Variants in CLUH observed in about 807,000 individuals in gnomAD.
CLUH encodes the protein clustered mitochondria protein homolog.
CLUH carries 77 observed loss-of-function variants against 139.3 expected under a neutral mutation model. The ratio of observed to expected loss-of-function variants is 0.55; its 90% CI spans 0.46 to 0.67. The LOEUF (loss-of-function observed/expected upper bound fraction) is 0.67. Among genes scored for constraint, CLUH ranks in the 30% least tolerant of loss-of-function variants. The pLI is 0.00. For missense variants in CLUH, 1,876 were observed against 1,875.8 expected (o/e 1.00, Z 0.00); for synonymous variants, 999 against 801.6 (o/e 1.25, Z -4.16).
intron 1 of CLUH, among the ~76,000 whole-genome samples, chr17:2,710,519 C>A (rs1354362643): frequency 6.6e-6 from 1 of 152,128 alleles, no homozygotes; most frequent in East Asian, 1.9e-4. Context: ...TGAGGACAGT[C>A]GACGGAGGAG....
intron 9 of CLUH, among the ~76,000 whole-genome samples, chr17:2,699,860 G>A (rs977492651): frequency 6.6e-6 from 1 of 152,150 alleles, no homozygotes; most frequent in African/African-American, 2.4e-5. Flanking sequence ...TTGAACTCCT[G>A]ACCTTGTGAT....
chr17:2,709,607 C>T (rs2151727789), intron 1 of CLUH, among the ~76,000 whole-genome samples: 1 of 152,246 alleles, frequency 6.6e-6, no homozygotes, highest in East Asian at 1.9e-4. Flanking sequence ...AAAAACCTGC[C>T]TGTTCTCTTA....
Position 2,707,922 on chromosome 17 carries a change from C to A in CLUH, c.101-3358G>T. ...GATGGGCCCCCAGCTTCCCAGAGGA[C>A]AACTGCACCCGTGCCCCTGGCCTCC... is the stretch of plus-strand genomic sequence containing the variant. On this transcript the variant is annotated intron_variant, in intron 1 of 25. Coordinates refer to ENST00000651024, the MANE Select transcript of CLUH (RefSeq NM_001366661.1). This position sits in a 1 kb window ranked among gnomAD's most constrained non-coding sequence, Gnocchi z 7.4. The A allele has an allele frequency of 1.0e-6, 1 of 985,438 alleles. No homozygotes were observed. The highest frequency in any genetic ancestry group is 1.2e-6 in the Non-Finnish European group (1 of 829,922). The allele number at this position is 985,438 out of a possible 1,614,324, so 61.0% of individuals were successfully genotyped here. A position where few individuals can be genotyped will look rare whatever the true frequency, so the allele number is the denominator to read the frequency against.
At chr17:2,693,872 G>A in intron 19 of CLUH, 28 bp downstream of exon 19, 2 of 1,588,900 alleles carry the variant, frequency 1.3e-6, no homozygotes, top group African/African-American at 1.3e-5. Flanking sequence ...ACGAGGCCAG[G>A]CCTTTGCTGC....
intron 9 of CLUH, among the ~76,000 whole-genome samples, chr17:2,699,776 C>T (rs2151710401): frequency 6.6e-6 from 1 of 152,268 alleles, no homozygotes; most frequent in South Asian, 2.1e-4. Context: ...GGACTACAGG[C>T]ATGCGCCACC....
chr17:2,702,098 T>G, intron 3 of CLUH, 41 bp from the exon 4 acceptor site: 1 of 1,601,078 alleles, frequency 6.2e-7, no homozygotes, highest in Non-Finnish European at 8.5e-7. Flanking sequence ...ACCAGGGCCC[T>G]GCACCCTGAA....
rs1479989934 is a variant in CLUH, at chr17:2,701,743, G to A, written c.620-6C>T. The A allele has an allele frequency of 6.4e-7, 1 of 1,559,520 alleles. No homozygotes were observed. Among genetic ancestry groups the A allele is most frequent in the African/African-American group, 1.4e-5 (1 of 73,688 alleles). ...CTTCTTCCGCTTCCCGCTGTCTGAG[G>A]GACCCGAGGCTGGTGGTCAGCACAG... On this transcript the variant is annotated splice_polypyrimidine_tract_variant and splice_region_variant and intron_variant, in intron 4 of 25. Coordinates refer to ENST00000651024, the MANE Select transcript of CLUH (RefSeq NM_001366661.1).
chr17:2,707,060 G>T lies in CLUH; in HGVS notation c.101-2496C>A. ...GGGCCTCCTCTCCCCAGGACAGCAT[G>T]TTTTACCCTAATCCTTCCTCCTAGG... On this transcript the variant is annotated intron_variant, in intron 1 of 25. Transcript: ENST00000651024. The surrounding 1 kb of genome is among the most constrained non-coding windows in gnomAD (Gnocchi z 7.4). 1.8e-6 allele frequency: 1 copy of T among 541,764 alleles called. No individual in the cohort carries two copies. Among genetic ancestry groups the T allele is most frequent in the Non-Finnish European group, 2.4e-6 (1 of 424,394 alleles). The allele number at this position is 541,764 out of a possible 1,614,324, so 33.6% of individuals were successfully genotyped here.
Position 2,693,920 on chromosome 17 carries a change from T to C in CLUH, c.3211A>G (p.Ile1071Val). The C allele has an allele frequency of 1.2e-6, 2 of 1,613,326 alleles. No homozygotes were observed. The highest frequency in any genetic ancestry group is 1.7e-6 in the Non-Finnish European group (2 of 1,179,654). Residue 1071 changes from isoleucine to valine, a missense_variant, in exon 19 of 26, where the codon ATC becomes GTC. By Grantham distance (29) the Ile-to-Val change is conservative (BLOSUM62 3). Around this residue, in one of 3 missense-constraint regions of CLUH, gnomAD observed 1,454 missense variants for 1,384.4 expected, o/e 1.05. Coordinates refer to ENST00000651024, the MANE Select transcript of CLUH (RefSeq NM_001366661.1). Reference protein sequence around the residue: ...CLRLLARLHYIMGDYAEALSN... With the variant: ...CLRLLARLHYVMGDYAEALSN... The stretch of plus-strand genomic sequence containing the variant: ...GGTACCTCTGCGTAGTCGCCCATGA[T>C]GTAGTGGAGGCGGGCGAGGAGGCGC...
chr17:2,699,485 C>T lies in CLUH; in HGVS notation c.1267-895G>A, dbSNP rs528778505. On this transcript the variant is annotated intron_variant, in intron 9 of 25. Transcript: ENST00000651024. ...GGGACTACAGGCACATGCCACCATG[C>T]CTGGCTAATCTTTTGTATTTTTTGC... is the stretch of plus-strand genomic sequence containing the variant. Among the ~76,000 whole-genome samples, 61 of 152,222 alleles carry T rather than the reference C, an allele frequency of 4.0e-4. 1 individual carries two copies. In the South Asian group the frequency reaches 0.012, roughly 31 times the overall value.
chr17:2,692,422 C>T lies in CLUH; in HGVS notation c.3499G>A (p.Glu1167Lys). The T allele has an allele frequency of 6.3e-7, 1 of 1,599,894 alleles. No individual in the cohort carries two copies. Among genetic ancestry groups the T allele is most frequent in the South Asian group, 1.1e-5 (1 of 90,986 alleles). ...MEYDLSLRFL[E>K]NALAVSTKYH... ...TTGGTGCTGACGGCCAGCGCGTTCT[C>T]CAGGAAGCGCAGCGACAGGTCGTAC... The change falls in exon 22 of 26, where the codon GAG (glutamate) becomes AAG (lysine). Residue 1167 changes from glutamate to lysine, a missense_variant. By Grantham distance (56) the Glu-to-Lys change is moderately conservative. This residue lies in a region of CLUH where 1,454 missense variants were observed against 1,384.4 expected (regional missense o/e 1.05). Coordinates refer to ENST00000651024, the MANE Select transcript of CLUH (RefSeq NM_001366661.1).
chr17:2,691,962 C>CCCCCGCCCCGCCCCCG (rs1567575853), intron 23 of CLUH, 42 bp downstream of exon 23: 3 of 670,740 alleles, frequency 4.5e-6, no homozygotes, highest in African/African-American at 1.2e-4. Context: ...CCCCGCCACG[C>CCCCCGCCCCGCCCCCG]CCCCGCCCCG....
In CLUH at chr17:2,691,946, C is replaced by T. The variant is rs1375896689; in HGVS notation, c.3655-51G>A. 1.0e-5 allele frequency: 12 copies of T among 1,184,206 alleles called. 1 individual carries two copies. Among genetic ancestry groups the T allele is most frequent in the South Asian group, 1.7e-5 (1 of 58,320 alleles). The allele number at this position is 1,184,206 out of a possible 1,614,324, so 73.4% of individuals were successfully genotyped here. A position where few individuals can be genotyped will look rare whatever the true frequency, so the allele number is the denominator to read the frequency against. The stretch of plus-strand genomic sequence containing the variant: ...GCCCCCCCGTGCCCCCGCGGCCCCG[C>T]CCCCGCCCCGCCACGCCCCCGCCCC... On this transcript the variant is annotated intron_variant, in intron 23 of 25. Transcript: ENST00000651024.
At chr17:2,700,961 ACGGGCGCCTCTC>A in intron 7 of CLUH, 136 bp from the exon 8 acceptor site, 1 of 1,424,398 alleles carries the variant, frequency 7.0e-7, no homozygotes, top group Non-Finnish European at 9.4e-7. Flanking sequence ...ATGGAAGTGC[ACGGGCGCCTCTC>A]CTGCGGCTGC....
rs2069968096 is a variant in CLUH, at chr17:2,696,882, C to T, written c.2022G>A (p.Leu674=). 1 of 1,612,522 alleles carries T rather than the reference C, an allele frequency of 6.2e-7. No homozygotes were observed. The highest frequency in any genetic ancestry group is 1.1e-5 in the South Asian group (1 of 90,846). The part of the protein sequence containing the change: ...LQLMQQNASQ[L]ETPSSLENGG... ...CATTTTCCAGGGAGGAGGGGGTCTC[C>T]AGCTGGCTGGCGTTCTGCTGCATCA... Residue 674 remains leucine (L), a synonymous_variant, in exon 11 of 26, where the codon CTG becomes CTA. Transcript: ENST00000651024.
rs376675071 is a variant in CLUH at position 2,696,510 on chromosome 17, G to T, written c.2214C>A (p.Arg738=). The change falls in exon 12 of 26, where the codon CGC becomes CGA. Residue 738 remains arginine, a synonymous_variant. Coordinates refer to ENST00000651024, the MANE Select transcript of CLUH (RefSeq NM_001366661.1). ...TGGAGCCGACCGCCTTGCACGCGTT[G>T]CGGATCACCTCCCGGCTCCGAGGGT... ...TADPRSREVI[R]NACKAVGSIS... 60 of 1,585,206 alleles carry T rather than the reference G, an allele frequency of 3.8e-5. No homozygotes were observed. In the African/African-American group the frequency reaches 7.7e-4, roughly 20 times the overall value.
intron 13 of CLUH, 128 bp from the exon 14 acceptor site, chr17:2,695,654 G>A: frequency 7.9e-7 from 1 of 1,262,018 alleles, no homozygotes; most frequent in Non-Finnish European, 1.1e-6. Context: ...CTCCCAGTCA[G>A]GATGTCAGAA....
chr17:2,700,148 G>A (rs1384004594), intron 9 of CLUH, among the ~76,000 whole-genome samples: 9 of 152,230 alleles, frequency 5.9e-5, no homozygotes. Flanking sequence ...ATGGGAAGTA[G>A]GGCCCGCTCC....
Position 2,696,849 on chromosome 17 carries a change from AGGACCACCATTTTCCAGGGAGGAG to A in CLUH, c.2031_2054del (p.Asn682_Glu689del), listed in dbSNP as rs2069966214. 2 of 1,613,480 alleles carry A rather than the reference AGGACCACCATTTTCCAGGGAGGAG, an allele frequency of 1.2e-6. No homozygotes were observed. Among genetic ancestry groups the A allele is most frequent in the Admixed American group, 3.3e-5 (2 of 59,996 alleles). ...CCTCAGACTTGGACTCCAAGGAGGAAGGACCACCATTTTCCAGGGAGGAGGGGGTCTCCAGCTGGCTGGCGTTCT... is the reference window on the plus strand; with the variant it reads ...CCTCAGACTTGGACTCCAAGGAGGAAGGGGTCTCCAGCTGGCTGGCGTTCT... On this transcript the variant is annotated inframe_deletion, in exon 11 of 26. Transcript: ENST00000651024.
Sources: allele counts gnomAD v4.1 joint callset (sites outside exome capture counted in the v4.1 genomes callset), GRCh38; gene constraint gnomAD v4.1.1; regional missense constraint gnomAD v4.1.1; non-coding constraint Gnocchi (gnomAD v3.1); transcripts MANE v1.5; gene names NCBI Gene and HGNC (gene_info 2026-07-23, HGNC 2026-07-21).